CFDP1: variants seen among roughly 807,000 people sequenced by gnomAD.
CFDP1 encodes the protein chromatin remodeling protein CFDP1.
Under a neutral mutation model 40.1 loss-of-function variants are expected in CFDP1, and 31 were observed. The observed-to-expected ratio is 0.77, with a 90% CI of 0.58 to 1.04. CFDP1 has a LOEUF of 1.04. Among genes scored for constraint, CFDP1 ranks in the 50% least tolerant of loss-of-function variants. CFDP1 has a pLI of 0.00. For synonymous variants in CFDP1, 167 were observed against 120.0 expected, an observed-to-expected ratio of 1.39 and a Z score of -2.56; for missense variants, 423 against 343.4, an observed-to-expected ratio of 1.23 and a Z score of -1.83.
At chr16:75,406,065 G>A (rs2079096798) in intron 4 of CFDP1, among the ~76,000 whole-genome samples, 1 of 151,828 alleles carries the variant, frequency 6.6e-6, no homozygotes, top group African/African-American at 2.4e-5. Context: ...AACACAGCAA[G>A]ACCCCATCTC....
At chr16:75,321,015 G>A (rs1308965983) in intron 5 of CFDP1, among the ~76,000 whole-genome samples, 2 of 152,002 alleles carry the variant, frequency 1.3e-5, no homozygotes, top group Non-Finnish European at 2.9e-5. Context: ...TGCTGGTTTT[G>A]AACTCCTGGG....
chr16:75,397,070 C>T (rs537347306), intron 4 of CFDP1, among the ~76,000 whole-genome samples: 18 of 151,988 alleles, frequency 1.2e-4, no homozygotes, highest in Non-Finnish European at 2.1e-4. Context: ...CCCGCCACCA[C>T]GCCCAGCTAA....
At chr16:75,413,943 A>T (rs1447217100) in intron 2 of CFDP1, among the ~76,000 whole-genome samples, 1 of 152,178 alleles carries the variant, frequency 6.6e-6, no homozygotes, top group Admixed American at 6.5e-5. Flanking sequence ...ATATTTATAC[A>T]TGTATACATT....
rs375299420 is a variant in CFDP1 at position 75,400,268 on chromosome 16, G to A, written c.531-5059C>T. On this transcript the variant is annotated intron_variant, in intron 4 of 6. Coordinates refer to ENST00000283882, the MANE Select transcript of CFDP1 (RefSeq NM_006324.3). ...CTATACAGCCTAGGCAACAGAGTGA[G>A]ACCCTGTCTCAAAACAAAAAACAAA... 1.5e-4 allele frequency among the ~76,000 whole-genome samples: 22 copies of A among 145,316 alleles called. No homozygotes were observed. The South Asian group carries it at 4.6e-3, about 30-fold the overall frequency.
intron 5 of CFDP1, among the ~76,000 whole-genome samples, chr16:75,346,581 TCAAAAA>T (rs2078566620): frequency 6.7e-5 from 1 of 14,964 alleles, no homozygotes. Flanking sequence ...AGACTCTGTC[TCAAAAA>T]AAAAAAAAAA....
intron 2 of CFDP1, among the ~76,000 whole-genome samples, chr16:75,413,394 A>C (rs1199826070): frequency 1.3e-5 from 2 of 151,930 alleles, no homozygotes; most frequent in African/African-American, 4.8e-5. Flanking sequence ...AACTTTCATC[A>C]CAACAAGATG....
At chr16:75,400,579 C>T (rs1055421468) in intron 4 of CFDP1, among the ~76,000 whole-genome samples, 8 of 152,176 alleles carry the variant, frequency 5.3e-5, no homozygotes, top group Non-Finnish European at 1.2e-4. Context: ...TCTACCCCAT[C>T]CCCAATCCAG....
chr16:75,427,429 T>G (rs1290554937), intron 1 of CFDP1, among the ~76,000 whole-genome samples: 1 of 152,104 alleles, frequency 6.6e-6, no homozygotes, highest in Non-Finnish European at 1.5e-5. Context: ...TCTTTGTATT[T>G]TTTAGTAGAG....
intron 6 of CFDP1, among the ~76,000 whole-genome samples, chr16:75,300,467 A>C (rs1226676903): frequency 6.6e-6 from 1 of 151,986 alleles, no homozygotes; most frequent in Non-Finnish European, 1.5e-5. Flanking sequence ...TTTGTATTTC[A>C]GTAGAGATGG....
At chr16:75,308,026 T>C (rs575402958) in intron 5 of CFDP1, among the ~76,000 whole-genome samples, 1 of 152,358 alleles carries the variant, frequency 6.6e-6, no homozygotes, top group East Asian at 1.9e-4. Flanking sequence ...TAGATGGTTC[T>C]GGGCAAGTGC....
At chr16:75,349,700 C>T (rs9930684) in intron 5 of CFDP1, among the ~76,000 whole-genome samples, 2,186 of 32,804 alleles carry the variant, frequency 0.067, 688 homozygotes, top group African/African-American at 0.16. Flanking sequence ...AATATATATA[C>T]ATACATATAT....
intron 5 of CFDP1, among the ~76,000 whole-genome samples, chr16:75,360,281 T>A (rs916344133): frequency 4.6e-5 from 7 of 151,700 alleles, no homozygotes; most frequent in African/African-American, 4.8e-5. Flanking sequence ...AAAAAAACAA[T>A]AAAGACCATT....
At chr16:75,399,643 C>T (rs1261324991) in intron 4 of CFDP1, among the ~76,000 whole-genome samples, 1 of 151,872 alleles carries the variant, frequency 6.6e-6, no homozygotes, top group Non-Finnish European at 1.5e-5. Context: ...CCTCCCAGTG[C>T]TGGGATTACA....
At chr16:75,416,306 G>C (rs922210280) in intron 1 of CFDP1, among the ~76,000 whole-genome samples, 1 of 151,988 alleles carries the variant, frequency 6.6e-6, no homozygotes, top group Non-Finnish European at 1.5e-5. Flanking sequence ...GAGGGGGACA[G>C]ATTAAAAACT....
intron 4 of CFDP1, among the ~76,000 whole-genome samples, chr16:75,409,697 T>C (rs1425827696): frequency 6.6e-6 from 1 of 152,068 alleles, no homozygotes; most frequent in African/African-American, 2.4e-5. Flanking sequence ...GGCTGATGTG[T>C]CACAATGTCT....
intron 6 of CFDP1, among the ~76,000 whole-genome samples, chr16:75,298,373 G>T (rs1213371963): frequency 6.6e-6 from 1 of 152,126 alleles, no homozygotes; most frequent in Non-Finnish European, 1.5e-5. Context: ...CCTGGCTGAA[G>T]TCCCTGAGAT....
At chr16:75,399,744 G>C (rs868213744) in intron 4 of CFDP1, among the ~76,000 whole-genome samples, 1 of 152,094 alleles carries the variant, frequency 6.6e-6, no homozygotes, top group Non-Finnish European at 1.5e-5. Flanking sequence ...CACTTTGGGA[G>C]GCCAAGGGCG....
At position 75,327,049 on chromosome 16, in the gene CFDP1, T is replaced by C. The variant is rs1401276544; in HGVS notation, c.651-21867A>G. Among the ~76,000 whole-genome samples the C allele has an allele frequency of 2.6e-5, 4 of 152,108 alleles. No homozygotes were observed. In the East Asian group the frequency reaches 7.7e-4, roughly 29 times the overall value. ...ACTTTGGGAGGCCGAGGCGGGCGGA[T>C]CATGAGGTCAGGAGATCGAGACCAT... On this transcript the variant is annotated intron_variant, in intron 5 of 6. Transcript: ENST00000283882.
At chr16:75,400,122 G>GAAA (rs527926481) in intron 4 of CFDP1, among the ~76,000 whole-genome samples, 1 of 141,954 alleles carries the variant, frequency 7.0e-6, no homozygotes, top group African/African-American at 2.6e-5. Flanking sequence ...AAAAAAAAAG[G>GAAA]AAAAAAAAAA....
Sources: allele counts gnomAD v4.1 joint callset (sites outside exome capture counted in the v4.1 genomes callset), GRCh38; gene constraint gnomAD v4.1.1; transcripts MANE v1.5; gene names NCBI Gene and HGNC (gene_info 2026-07-23, HGNC 2026-07-21).